The following MTCL1 variants were observed in gnomAD, a reference collection of about 807,000 sequenced individuals.
MTCL1 encodes the protein microtubule crosslinking factor 1.
A neutral mutation model predicts 141.4 loss-of-function variants in MTCL1; 79 were observed. The ratio of observed to expected loss-of-function variants is 0.56; its 90% CI spans 0.47 to 0.67. The LOEUF (loss-of-function observed/expected upper bound fraction) is 0.67, where lower values mean the gene tolerates loss of function less well. MTCL1 is among the 30% of genes least tolerant of loss of function. The probability of loss-of-function intolerance (pLI) is 0.00; values close to 1 mark genes in which losing one functional copy is unlikely to be tolerated. For missense variants in MTCL1, 2,177 were observed against 2,113.9 expected (o/e 1.03, Z -0.59); for synonymous variants, 914 against 875.8 (o/e 1.04, Z -0.77).
At chr18:8,756,399 A>ATATATGTGTG (rs1196750038) in intron 4 of MTCL1, among the ~76,000 whole-genome samples, 2 of 149,030 alleles carry the variant, frequency 1.3e-5, no homozygotes, top group Admixed American at 6.7e-5. Context: ...GTATATATGT[A>ATATATGTGTG]TATATGTGTG....
intron 4 of MTCL1, among the ~76,000 whole-genome samples, chr18:8,723,133 A>G (rs181156188): frequency 6.6e-6 from 1 of 152,154 alleles, no homozygotes; most frequent in East Asian, 1.9e-4. Flanking sequence ...GGGTGGTGGG[A>G]CCGCATATTT....
chr18:8,721,921 G>A (rs971721916), intron 4 of MTCL1, among the ~76,000 whole-genome samples: 1 of 152,164 alleles, frequency 6.6e-6, no homozygotes, highest in Non-Finnish European at 1.5e-5. Flanking sequence ...GTGAATGAAG[G>A]GGGCGGAGCA....
chr18:8,827,298 C>T (rs1489625730), intron 15 of MTCL1, among the ~76,000 whole-genome samples: 1 of 152,204 alleles, frequency 6.6e-6, no homozygotes, highest in Non-Finnish European at 1.5e-5. Flanking sequence ...ACCTGGCCCA[C>T]GTTTCCCACA....
rs2077129730 is a variant in MTCL1 at position 8,829,525 on chromosome 18, AAAC to A, written c.*18+567_*18+569del. On this transcript the variant is annotated intron_variant, in intron 16 of 16. Transcript: ENST00000359865. ...CTCAATAAATATTTGTTGAATGAATAAACAACAAAATCATCCCCACTCCAAATA... is the reference window on the plus strand; with the variant it reads ...CTCAATAAATATTTGTTGAATGAATAAACAAAATCATCCCCACTCCAAATA... The A allele has an allele frequency of 8.3e-6, 8 of 967,678 alleles. No homozygotes were observed. The South Asian group carries it at 3.3e-4, about 40-fold the overall frequency. 59.9% of individuals were successfully genotyped at this position (967,678 alleles called of 1,614,324 possible).
chr18:8,722,634 G>A lies in MTCL1; in HGVS notation c.357+2138G>A, dbSNP rs868754588. Among the ~76,000 whole-genome samples the A allele has an allele frequency of 2.0e-5, 3 of 152,164 alleles. No individual in the cohort carries two copies. The East Asian group carries it at 5.8e-4, about 29-fold the overall frequency. On this transcript the variant is annotated intron_variant, in intron 4 of 16. Coordinates refer to ENST00000359865, the Ensembl canonical transcript of MTCL1. Reference sequence around the variant, plus strand: ...ATTCATTAAGTGGAAGTGGATCACCGTAAAGGTCTTCATGCTCATAGTCTT... The same window carrying A: ...ATTCATTAAGTGGAAGTGGATCACCATAAAGGTCTTCATGCTCATAGTCTT...
At chr18:8,776,874 G>A (rs537519774) in intron 4 of MTCL1, among the ~76,000 whole-genome samples, 16 of 152,150 alleles carry the variant, frequency 1.1e-4, no homozygotes, top group Non-Finnish European at 1.8e-4. Flanking sequence ...CAATCTTCCC[G>A]CCTCAGTCGC....
At chr18:8,714,808 T>C (rs1242084931), upstream of MTCL1, among the ~76,000 whole-genome samples, 1 of 151,956 alleles carries the variant, frequency 6.6e-6, no homozygotes, top group Non-Finnish European at 1.5e-5. Context: ...TTTTCTCTTT[T>C]TTTTTTGAGG....
At chr18:8,785,185 T>C (rs1472663269) in intron 6 of MTCL1, among the ~76,000 whole-genome samples, 1 of 152,106 alleles carries the variant, frequency 6.6e-6, no homozygotes, top group Non-Finnish European at 1.5e-5. Flanking sequence ...GCTCCTCTCT[T>C]GGTATCTCAA....
At chr18:8,751,836 T>C (rs2096373045) in intron 4 of MTCL1, among the ~76,000 whole-genome samples, 1 of 152,222 alleles carries the variant, frequency 6.6e-6, no homozygotes, top group Non-Finnish European at 1.5e-5. Flanking sequence ...TGGGATTCGC[T>C]TGTGAAAGTT....
chr18:8,764,291 T>C (rs75962283), intron 4 of MTCL1, among the ~76,000 whole-genome samples: 2,886 of 152,160 alleles, frequency 0.019, 33 homozygotes, highest in Middle Eastern at 0.031. Context: ...TTTAAAAGAA[T>C]GCTTTATATA....
At position 8,809,649 on chromosome 18, in the gene MTCL1, G is replaced by A. The variant is rs564824916; in HGVS notation, c.2604+2589G>A. 2.0e-6 allele frequency: 3 copies of A among 1,510,056 alleles called. No individual in the cohort carries two copies. The South Asian group carries it at 3.7e-5, about 19-fold the overall frequency. The allele number at this position is 1,510,056 out of a possible 1,614,324, so 93.5% of individuals were successfully genotyped here. ...GAAAAAAACGGAGCAAGTAGAGAGT[G>A]GCCGGGCCTGGTGGCCGGTTCATGA... is the stretch of plus-strand genomic sequence containing the variant. On this transcript the variant is annotated intron_variant, in intron 11 of 16. Coordinates refer to ENST00000359865, the Ensembl canonical transcript of MTCL1.
chr18:8,787,305 A>C lies in MTCL1; in HGVS notation c.1887+1214A>C, dbSNP rs1016385463. 2.0e-5 allele frequency: 3 copies of C among 152,430 alleles called. No homozygotes were observed. The East Asian group carries it at 5.8e-4, about 29-fold the overall frequency. 9.4% of individuals were successfully genotyped at this position (152,430 alleles called of 1,614,324 possible). A position where few individuals can be genotyped will look rare whatever the true frequency, so the allele number is the denominator to read the frequency against. On this transcript the variant is annotated intron_variant, in intron 7 of 16. Transcript: ENST00000359865. ...GGATCTCCAAACAATGCAGCTCAGA[A>C]GGGAACAGCAGGTCTTCAGATGAAG...
chr18:8,720,559 A>G, intron 4 of MTCL1, 63 bp downstream of exon 3: 1 of 1,514,906 alleles, frequency 6.6e-7, no homozygotes, highest in Admixed American at 2.0e-5. Flanking sequence ...TGGAACTCCA[A>G]GTGCCCCCTT....
chr18:8,763,346 C>T (rs2096442790), intron 4 of MTCL1, among the ~76,000 whole-genome samples: 1 of 152,218 alleles, frequency 6.6e-6, no homozygotes, highest in Admixed American at 6.5e-5. Context: ...CCGCCCAGAC[C>T]CCAGGGTCCA....
chr18:8,775,408 T>TAA lies in MTCL1; in HGVS notation c.358-2408_358-2407dup, dbSNP rs780102071. Among the ~76,000 whole-genome samples the TAA allele has an allele frequency of 3.6e-3, 332 of 92,958 alleles. 3 individuals are homozygous for TAA. Among genetic ancestry groups the TAA allele is most frequent in the African/African-American group, 0.012 (296 of 24,352 alleles). The allele number at this position is 92,958 out of a possible 152,430, so 61.0% of individuals were successfully genotyped here. A position where few individuals can be genotyped will look rare whatever the true frequency, so the allele number is the denominator to read the frequency against. On this transcript the variant is annotated intron_variant, in intron 4 of 16. Coordinates refer to ENST00000359865, the Ensembl canonical transcript of MTCL1. The stretch of plus-strand genomic sequence containing the variant: ...CAACATGGTGAAACCTCGTCTCTAC[T>TAA]AAAAAAAAAAAAAAAAAAGCTGCGC...
intron 4 of MTCL1, among the ~76,000 whole-genome samples, chr18:8,725,913 C>T (rs56414115): frequency 0.24 from 36,357 of 150,770 alleles, 5,533 homozygotes; most frequent in Admixed American, 0.4. Flanking sequence ...CCTCAGCCTC[C>T]GGAGCAGCTG....
upstream of MTCL1, among the ~76,000 whole-genome samples, chr18:8,713,178 G>A (rs1020163662): frequency 1.3e-5 from 2 of 152,078 alleles, no homozygotes; most frequent in African/African-American, 4.8e-5. Context: ...AGGCAAAGGG[G>A]AATAGTCGAC....
At chr18:8,807,551 A>C (rs1468950604) in intron 11 of MTCL1, among the ~76,000 whole-genome samples, 1 of 152,232 alleles carries the variant, frequency 6.6e-6, no homozygotes, top group East Asian at 1.9e-4. Flanking sequence ...ATCAAAGGAA[A>C]CTGAGGCCCA....
chr18:8,805,767 C>A (rs1868367678), intron 10 of MTCL1, among the ~76,000 whole-genome samples: 1 of 152,096 alleles, frequency 6.6e-6, no homozygotes, highest in Non-Finnish European at 1.5e-5. Flanking sequence ...CATACATGCA[C>A]CAAAAAAGAA....
Sources: allele counts gnomAD v4.1 joint callset (sites outside exome capture counted in the v4.1 genomes callset), GRCh38; gene constraint gnomAD v4.1.1; transcripts MANE v1.5; gene names NCBI Gene and HGNC (gene_info 2026-07-23, HGNC 2026-07-21).